TTC39A: variants seen among roughly 807,000 people sequenced by gnomAD.
The protein encoded by TTC39A is tetratricopeptide repeat protein 39A.
Under a neutral mutation model 82.3 loss-of-function variants are expected in TTC39A, and 46 were observed. That is an observed-to-expected ratio of 0.56 (90% CI 0.44 to 0.71). The LOEUF (loss-of-function observed/expected upper bound fraction) is 0.71, where lower values mean the gene tolerates loss of function less well. Ranked by LOEUF, TTC39A falls within the 30% of genes least tolerant of loss-of-function variation. TTC39A has a pLI of 0.00. For synonymous variants in TTC39A, 254 were observed against 275.2 expected, an observed-to-expected ratio of 0.92 and a Z score of 0.76; for missense variants, 543 against 712.9, an observed-to-expected ratio of 0.76 and a Z score of 2.71.
rs759305152 is a variant in TTC39A at position 51,289,970 on chromosome 1, TCA to T, written c.1493+33_1493+34del. The stretch of plus-strand genomic sequence containing the variant: ...GCCCTGAATATTCTACCCAGGAGAC[TCA>T]GACCCAGAAGGAGCAGCTGCAGAGG... On this transcript the variant is annotated intron_variant, in intron 16 of 17. Transcript: ENST00000680483. The T allele has an allele frequency of 7.6e-6, 12 of 1,580,210 alleles. No homozygotes were observed. In the East Asian group the frequency reaches 2.7e-4, roughly 35 times the overall value.
chr1:51,291,440 G>A (rs536607805), intron 14 of TTC39A, among the ~76,000 whole-genome samples: 217 of 151,428 alleles, frequency 1.4e-3, no homozygotes, highest in Non-Finnish European at 2.4e-3. Flanking sequence ...GCAGTGAGCC[G>A]AGATGGCACC....
intron 12 of TTC39A, chr1:51,301,204 A>C (rs948343169): frequency 5.5e-6 from 1 of 180,856 alleles, no homozygotes; most frequent in African/African-American, 2.3e-5. Context: ...AAATTAAATA[A>C]AACTGAAAAC....
chr1:51,316,644 C>T (rs142287907), intron 2 of TTC39A, among the ~76,000 whole-genome samples: 15 of 152,336 alleles, frequency 9.8e-5, no homozygotes, highest in Non-Finnish European at 2.1e-4. Context: ...TGCCCAGAAA[C>T]ACCTTTTCCC....
At chr1:51,334,203 A>G (rs973480250), upstream of TTC39A, among the ~76,000 whole-genome samples, 2 of 151,168 alleles carry the variant, frequency 1.3e-5, no homozygotes, top group African/African-American at 4.9e-5. Context: ...TACAAAAAAA[A>G]AAAAAAAAAA....
intron 12 of TTC39A, chr1:51,300,206 T>C (rs991338287): frequency 2.0e-5 from 3 of 152,214 alleles, no homozygotes; most frequent in African/African-American, 7.2e-5. Context: ...ATGTGCCCAA[T>C]GGAGATAATA....
chr1:51,328,598 G>A (rs1436609011), intron 1 of TTC39A, among the ~76,000 whole-genome samples: 1 of 152,158 alleles, frequency 6.6e-6, no homozygotes, highest in Non-Finnish European at 1.5e-5. Flanking sequence ...AATTCAGGAT[G>A]GCAAGTAATT....
chr1:51,305,927 G>T (rs550153839), intron 7 of TTC39A, 50 bp downstream of exon 7: 3 of 1,567,172 alleles, frequency 1.9e-6, no homozygotes, highest in East Asian at 2.2e-5. Context: ...GGACAGAAGG[G>T]GAGACTGAGC....
Position 51,330,413 on chromosome 1 carries a change from C to G in TTC39A, c.41+24G>C. 1.0e-6 allele frequency: 1 copy of G among 981,460 alleles called. No homozygotes were observed. The allele number at this position is 981,460 out of a possible 1,614,324, so 60.8% of individuals were successfully genotyped here. Reference sequence around the variant, plus strand: ...CCCCAGCCCGCGCCGCCCGCGCCCCCGGGCCTCCCAGCCGCGCACTTACCC... The same window carrying G: ...CCCCAGCCCGCGCCGCCCGCGCCCCGGGGCCTCCCAGCCGCGCACTTACCC... On this transcript the variant is annotated intron_variant, in intron 1 of 17. Transcript: ENST00000680483. This position sits in a 1 kb window ranked among gnomAD's most constrained non-coding sequence, Gnocchi z 4.5.
chr1:51,311,908 G>A (rs901303140), intron 4 of TTC39A, among the ~76,000 whole-genome samples: 2 of 152,258 alleles, frequency 1.3e-5, no homozygotes, highest in Admixed American at 6.5e-5. Flanking sequence ...TCAGCCAGTA[G>A]TGCTATCGCA....
intron 1 of TTC39A, among the ~76,000 whole-genome samples, chr1:51,324,759 T>A (rs957711574): frequency 6.6e-6 from 1 of 151,710 alleles, no homozygotes; most frequent in Non-Finnish European, 1.5e-5. Context: ...CCTCAGGTGT[T>A]TGACCTCAGG....
chr1:51,327,334 A>G (rs1384117415), intron 1 of TTC39A, among the ~76,000 whole-genome samples: 1 of 152,226 alleles, frequency 6.6e-6, no homozygotes, highest in Admixed American at 6.5e-5. Context: ...TAATCTGCCC[A>G]TGGGGATCTG....
At chr1:51,304,117 C>T (rs749116052) in intron 8 of TTC39A, among the ~76,000 whole-genome samples, 4 of 152,180 alleles carry the variant, frequency 2.6e-5, no homozygotes, top group East Asian at 3.8e-4. Context: ...ACCCTAAGCC[C>T]GCTTTCTCAG....
chr1:51,330,534 T>G lies in TTC39A; in HGVS notation c.-57A>C. The G allele has an allele frequency of 1.0e-6, 1 of 983,180 alleles. No individual in the cohort carries two copies. 60.9% of individuals were successfully genotyped at this position (983,180 alleles called of 1,614,324 possible). On this transcript the variant is annotated 5_prime_UTR_variant, in exon 1 of 18. Coordinates refer to ENST00000680483, the MANE Select transcript of TTC39A (RefSeq NM_001297663.2). The surrounding 1 kb of genome is among the most constrained non-coding windows in gnomAD (Gnocchi z 4.5). Reference sequence around the variant, plus strand: ...CGGACGCCAATCGCGGCCCAGGTGCTGCCGCCGCAACCCCGAGCCGGGCGC... The same window carrying G: ...CGGACGCCAATCGCGGCCCAGGTGCGGCCGCCGCAACCCCGAGCCGGGCGC...
At chr1:51,306,857 C>G (rs1245475377) in intron 6 of TTC39A, among the ~76,000 whole-genome samples, 2 of 105,210 alleles carry the variant, frequency 1.9e-5, no homozygotes, top group Non-Finnish European at 1.9e-5. Context: ...GGACAGACCC[C>G]CCCCCCCCGC....
intron 6 of TTC39A, 36 bp from the exon 7 acceptor site, chr1:51,306,112 C>G: frequency 2.5e-4 from 300 of 1,207,902 alleles, no homozygotes; most frequent in Non-Finnish European, 3.4e-4. Flanking sequence ...TCAGCCACTG[C>G]TGGGGGTGGG....
At chr1:51,333,260 GTA>G (rs955984166), upstream of TTC39A, among the ~76,000 whole-genome samples, 2 of 148,852 alleles carry the variant, frequency 1.3e-5, no homozygotes, top group African/African-American at 4.9e-5. Context: ...TAGGCTATGT[GTA>G]TAAGTTGTAT....
At chr1:51,312,232 G>A (rs1455698790) in intron 3 of TTC39A, 37 bp from the exon 4 acceptor site, 8 of 1,562,790 alleles carry the variant, frequency 5.1e-6, no homozygotes, top group Non-Finnish European at 7.0e-6. Context: ...GTGAGGATTA[G>A]AGAGAGGCCA....
intron 6 of TTC39A, among the ~76,000 whole-genome samples, chr1:51,306,925 CCTGA>C (rs1330735694): frequency 3.4e-5 from 5 of 145,170 alleles, no homozygotes; most frequent in Admixed American, 7.3e-5. Flanking sequence ...AGTCCTTGGG[CCTGA>C]CTTAGTCTGG....
In TTC39A at chr1:51,313,201, C is replaced by T. The variant is rs560726383; in HGVS notation, c.147-258G>A. On this transcript the variant is annotated intron_variant, in intron 2 of 17. Transcript: ENST00000680483. ...TTTGAGCCTCAGTTCCTCATCAGCT[C>T]GGTAGGGGTGGCAGCAGCATAGCTG... Among the ~76,000 whole-genome samples the T allele has an allele frequency of 3.3e-5, 5 of 152,314 alleles. No homozygotes were observed. The East Asian group carries it at 5.8e-4, about 18-fold the overall frequency.
Sources: gnomAD v4.1 joint callset for allele counts (sites outside exome capture counted in the v4.1 genomes callset) on GRCh38, gnomAD v4.1.1 for gene constraint, Gnocchi (gnomAD v3.1) non-coding constraint, MANE v1.5 for transcripts, NCBI Gene and HGNC (gene_info 2026-07-23, HGNC 2026-07-21) for gene names.